Variants in RGS5 observed in about 807,000 individuals in gnomAD.
RGS5 encodes regulator of G protein signaling 5.
A neutral mutation model predicts 18.9 loss-of-function variants in RGS5; 20 were observed. The ratio of observed to expected loss-of-function variants is 1.06; its 90% CI spans 0.74 to 1.54. The LOEUF is 1.54. RGS5 is among the 40% of genes most tolerant of loss of function. RGS5 has a pLI of 0.00. For synonymous variants in RGS5, 57 were observed against 76.2 expected (o/e 0.75, Z 1.31); for missense variants, 201 against 211.8 (o/e 0.95, Z 0.32).
At chr1:163,270,622 C>T (rs1571331711) in intron 2 of RGS5, among the ~76,000 whole-genome samples, 1 of 152,108 alleles carries the variant, frequency 6.6e-6, no homozygotes. Flanking sequence ...GTTGAGAAGA[C>T]AGATTACTGA....
chr1:163,238,325 A>G (rs1019839138), intron 2 of RGS5, among the ~76,000 whole-genome samples: 1 of 152,246 alleles, frequency 6.6e-6, no homozygotes, highest in African/African-American at 2.4e-5. Context: ...ATTAATTGCC[A>G]CAATCTGAAC....
intron 3 of RGS5, among the ~76,000 whole-genome samples, chr1:163,153,157 C>G (rs1205008078): frequency 1.3e-5 from 2 of 152,192 alleles, no homozygotes; most frequent in Non-Finnish European, 2.9e-5. Flanking sequence ...TTAAGTATCA[C>G]TATGAACTAC....
chr1:163,225,391 T>C (rs1405059450), intron 2 of RGS5, among the ~76,000 whole-genome samples: 1 of 152,160 alleles, frequency 6.6e-6, no homozygotes, highest in African/African-American at 2.4e-5. Flanking sequence ...AAGTTTCACA[T>C]GAGAAACTTG....
chr1:163,160,791 T>C (rs1010098211), intron 3 of RGS5, among the ~76,000 whole-genome samples: 7 of 152,222 alleles, frequency 4.6e-5, no homozygotes, highest in African/African-American at 1.7e-4. Flanking sequence ...TCATATTCCA[T>C]TCTTGTTATA....
At chr1:163,165,766 C>T (rs1276698356) in intron 2 of RGS5, among the ~76,000 whole-genome samples, 1 of 151,996 alleles carries the variant, frequency 6.6e-6, no homozygotes. Context: ...ATTAGCCGGG[C>T]GTGGTGGCAC....
At chr1:163,266,490 C>A (rs1340978569) in intron 2 of RGS5, 1 of 152,052 alleles carries the variant, frequency 6.6e-6, no homozygotes, top group Non-Finnish European at 1.5e-5. Flanking sequence ...AAGTTCTAAC[C>A]CTTTAGGTCA....
At chr1:163,296,501 A>T (rs544202878) in intron 2 of RGS5, among the ~76,000 whole-genome samples, 6 of 152,328 alleles carry the variant, frequency 3.9e-5, no homozygotes, top group South Asian at 2.1e-4. Context: ...CAGATAAATC[A>T]TAACAGCTCA....
At chr1:163,246,799 A>T (rs1375042586) in intron 2 of RGS5, among the ~76,000 whole-genome samples, 1 of 152,210 alleles carries the variant, frequency 6.6e-6, no homozygotes, top group Non-Finnish European at 1.5e-5. Flanking sequence ...AGTCATTCCA[A>T]TATCATAAAA....
In RGS5 at chr1:163,177,083, T is replaced by C. The variant is rs114100444; in HGVS notation, c.45-8715A>G. Among the ~76,000 whole-genome samples, 1,192 of 152,322 alleles carry C rather than the reference T, an allele frequency of 7.8e-3. 17 individuals are homozygous for C. Among genetic ancestry groups the C allele is most frequent in the African/African-American group, 0.027 (1,143 of 41,566 alleles). ...CGTGCTAGAAGTGAGTGTTTACACGTAGGCTTGTTCATTAGATAATGGGCT... is the reference window on the plus strand; with the variant it reads ...CGTGCTAGAAGTGAGTGTTTACACGCAGGCTTGTTCATTAGATAATGGGCT... On this transcript the variant is annotated intron_variant, in intron 1 of 4. Coordinates refer to ENST00000313961, the MANE Select transcript of RGS5 (RefSeq NM_003617.4).
Position 163,168,168 on chromosome 1 carries a change from G to C in RGS5, c.155+90C>G, listed in dbSNP as rs1232350935. 3.3e-6 allele frequency: 3 copies of C among 918,296 alleles called. No homozygotes were observed. The Admixed American group carries it at 5.8e-5, about 18-fold the overall frequency. 56.9% of individuals were successfully genotyped at this position (918,296 alleles called of 1,614,324 possible). A position where few individuals can be genotyped will look rare whatever the true frequency, so the allele number is the denominator to read the frequency against. On this transcript the variant is annotated intron_variant, in intron 2 of 4. Coordinates refer to ENST00000313961, the MANE Select transcript of RGS5 (RefSeq NM_003617.4). The stretch of plus-strand genomic sequence containing the variant: ...ATGATCCTTAATGAGTAATTGAAGG[G>C]GGTAGTTCTACAGATGAGGAATGGT...
chr1:163,201,331 G>C (rs1480447377), intron 1 of RGS5, among the ~76,000 whole-genome samples: 4 of 152,026 alleles, frequency 2.6e-5, no homozygotes, highest in African/African-American at 9.7e-5. Context: ...TATATACTAG[G>C]TAAGAGGAAA....
chr1:163,294,453 G>A (rs187095528), intron 2 of RGS5, among the ~76,000 whole-genome samples: 1 of 152,344 alleles, frequency 6.6e-6, no homozygotes, highest in Non-Finnish European at 1.5e-5. Context: ...TGGAGCAGCC[G>A]GGATGCAGGG....
chr1:163,205,431 A>G (rs988524704), upstream of RGS5, among the ~76,000 whole-genome samples: 1 of 152,084 alleles, frequency 6.6e-6, no homozygotes, highest in African/African-American at 2.4e-5. Context: ...ACTATTTTAA[A>G]ATCTCCTTTC....
intron 1 of RGS5, among the ~76,000 whole-genome samples, chr1:163,193,647 T>C (rs1571272377): frequency 6.6e-6 from 1 of 152,148 alleles, no homozygotes; most frequent in African/African-American, 2.4e-5. Context: ...CTAATCTGGT[T>C]GGAATTTGCA....
intron 1 of RGS5, among the ~76,000 whole-genome samples, chr1:163,192,114 T>C (rs1443870038): frequency 6.6e-6 from 1 of 152,162 alleles, no homozygotes; most frequent in Non-Finnish European, 1.5e-5. Flanking sequence ...GCAATAGCCT[T>C]TACGATAAAT....
intron 2 of RGS5, among the ~76,000 whole-genome samples, chr1:163,240,844 G>C (rs926728800): frequency 5.3e-5 from 8 of 152,116 alleles, no homozygotes; most frequent in Admixed American, 3.9e-4. Context: ...TATCTTGTTT[G>C]AGGTCATGGT....
At chr1:163,176,105 T>C (rs1187776799) in intron 1 of RGS5, among the ~76,000 whole-genome samples, 6 of 152,246 alleles carry the variant, frequency 3.9e-5, no homozygotes, top group African/African-American at 1.4e-4. Context: ...TTATCTATTA[T>C]ACCCTTTCAA....
At chr1:163,190,237 A>G (rs923148813) in intron 1 of RGS5, among the ~76,000 whole-genome samples, 10 of 152,200 alleles carry the variant, frequency 6.6e-5, no homozygotes, top group African/African-American at 2.4e-4. Flanking sequence ...TGAGGCTTAT[A>G]GCAAAAGCCT....
At chr1:163,151,171 A>C (rs1657356489) in intron 4 of RGS5, among the ~76,000 whole-genome samples, 1 of 152,202 alleles carries the variant, frequency 6.6e-6, no homozygotes, top group Non-Finnish European at 1.5e-5. Flanking sequence ...GTTTCTTTGA[A>C]ATCAACAAAA....
Sources: allele counts gnomAD v4.1 joint callset (sites outside exome capture counted in the v4.1 genomes callset), GRCh38; gene constraint gnomAD v4.1.1; transcripts MANE v1.5; gene names NCBI Gene and HGNC (gene_info 2026-07-23, HGNC 2026-07-21).